The following GPC5 variants were observed in gnomAD, a reference collection of about 807,000 sequenced individuals.
GPC5 encodes glypican-5.
Under a neutral mutation model 53.9 loss-of-function variants are expected in GPC5, and 47 were observed. The observed-to-expected ratio is 0.87, with a 90% confidence interval of 0.69 to 1.11. The LOEUF (loss-of-function observed/expected upper bound fraction) is 1.11, where lower values mean the gene tolerates loss of function less well. GPC5 is among the 50% of genes most tolerant of loss of function. The pLI is 0.00. For synonymous variants in GPC5, 286 were observed against 263.3 expected (o/e 1.09, Z -0.84); for missense variants, 748 against 713.1 (o/e 1.05, Z -0.56).
intron 7 of GPC5, among the ~76,000 whole-genome samples, chr13:92,158,116 G>A (rs2041958690): frequency 6.6e-6 from 1 of 152,162 alleles, no homozygotes; most frequent in Non-Finnish European, 1.5e-5. Context: ...CAGATGGAGA[G>A]TGGACTAAAA....
intron 7 of GPC5, among the ~76,000 whole-genome samples, chr13:92,166,948 TCTCTCTCTCACA>T (rs1309138816): frequency 1.4e-3 from 83 of 57,288 alleles, no homozygotes; most frequent in African/African-American, 3.8e-3. Context: ...TCTCTCTCTC[TCTCTCTCTCACA>T]CACACACACA....
chr13:92,748,674 CAAATAGTTGTTTTTTGTTTA>C, intron 7 of GPC5, among the ~76,000 whole-genome samples: 1 of 152,074 alleles, frequency 6.6e-6, no homozygotes, highest in South Asian at 2.1e-4. Flanking sequence ...TAAACATATA[CAAATAGTTGTTTTTTGTTTA>C]AAATATAAAG....
At position 91,431,838 on chromosome 13, in the gene GPC5, A is replaced by G. The variant is rs577925611; in HGVS notation, c.164-16923A>G. Among the ~76,000 whole-genome samples, 3 of 152,332 alleles carry G rather than the reference A, an allele frequency of 2.0e-5. No homozygotes were observed. In the East Asian group the frequency reaches 5.8e-4, roughly 29 times the overall value. On this transcript the variant is annotated intron_variant, in intron 1 of 7. Coordinates refer to ENST00000377067, the MANE Select transcript of GPC5 (RefSeq NM_004466.6). ...TAGCTTGATAAATAATTTTGGTCTG[A>G]GCTACATTTATCGTTGAAGGTTTCT...
At chr13:92,550,707 CT>C (rs1882283013) in intron 7 of GPC5, among the ~76,000 whole-genome samples, 1 of 151,748 alleles carries the variant, frequency 6.6e-6, no homozygotes, top group South Asian at 2.1e-4. Flanking sequence ...TTATGCAATT[CT>C]TTTTTATGTA....
At chr13:92,655,341 TTTTA>T (rs577474128) in intron 7 of GPC5, among the ~76,000 whole-genome samples, 5,187 of 139,820 alleles carry the variant, frequency 0.037, 105 homozygotes, top group Non-Finnish European at 0.046. Context: ...TTTATTTTTA[TTTTA>T]TTTTTTGAGA....
chr13:92,675,275 G>A (rs1368679435), intron 7 of GPC5, among the ~76,000 whole-genome samples: 1 of 152,030 alleles, frequency 6.6e-6, no homozygotes, highest in Non-Finnish European at 1.5e-5. Context: ...TCTTTAATTT[G>A]TCTCTTACCA....
At chr13:91,680,677 CAAT>C (rs1166311941) in intron 2 of GPC5, among the ~76,000 whole-genome samples, 4 of 152,134 alleles carry the variant, frequency 2.6e-5, no homozygotes, top group African/African-American at 9.7e-5. Context: ...ACAATGTTAA[CAAT>C]GATCTGAAAA....
intron 5 of GPC5, among the ~76,000 whole-genome samples, chr13:91,858,146 A>C (rs1203167937): frequency 6.6e-6 from 1 of 151,508 alleles, no homozygotes; most frequent in African/African-American, 2.4e-5. Flanking sequence ...ATGTCCCTTT[A>C]TTTCTTTCTT....
intron 6 of GPC5, among the ~76,000 whole-genome samples, chr13:92,047,440 A>AT (rs1174054826): frequency 1.9e-4 from 18 of 96,222 alleles, no homozygotes; most frequent in African/African-American, 5.3e-4. Context: ...CTATATATAT[A>AT]TATTTTTTTT....
chr13:91,714,456 G>A (rs553395602), intron 3 of GPC5, among the ~76,000 whole-genome samples: 10 of 152,228 alleles, frequency 6.6e-5, no homozygotes, highest in African/African-American at 9.6e-5. Context: ...TTTTGATGTC[G>A]TATTATGAGA....
At chr13:92,562,003 AT>A (rs1212017901) in intron 7 of GPC5, among the ~76,000 whole-genome samples, 1 of 152,046 alleles carries the variant, frequency 6.6e-6, no homozygotes, top group East Asian at 1.9e-4. Context: ...TAAACTATCA[AT>A]TTTAGAGATC....
intron 7 of GPC5, among the ~76,000 whole-genome samples, chr13:92,801,828 TA>T (rs1235235339): frequency 6.6e-6 from 1 of 151,792 alleles, no homozygotes; most frequent in Non-Finnish European, 1.5e-5. Flanking sequence ...AATAAGGATA[TA>T]AAGGAAATAT....
intron 7 of GPC5, among the ~76,000 whole-genome samples, chr13:92,618,258 G>A (rs1311722337): frequency 2.0e-5 from 3 of 152,020 alleles, no homozygotes; most frequent in African/African-American, 7.2e-5. Flanking sequence ...CCAAACTAAC[G>A]TAGTATTATT....
At position 92,297,235 on chromosome 13, in the gene GPC5, ACT is replaced by A. The variant is rs1376831711; in HGVS notation, c.1561+152249_1561+152250del. ...AAGGTTTGTGAGTGCACCAATCGAC[ACT>A]CTGTACCTAGCTGCTCTGGTGAGGA... is the stretch of plus-strand genomic sequence containing the variant. On this transcript the variant is annotated intron_variant, in intron 7 of 7. Transcript: ENST00000377067. Among the ~76,000 whole-genome samples, 4 of 152,160 alleles carry A rather than the reference ACT, an allele frequency of 2.6e-5. No individual in the cohort carries two copies. In the South Asian group the frequency reaches 8.3e-4, roughly 31 times the overall value.
intron 2 of GPC5, among the ~76,000 whole-genome samples, chr13:91,503,200 G>C (rs192429064): frequency 6.6e-6 from 1 of 152,182 alleles, no homozygotes; most frequent in East Asian, 1.9e-4. Flanking sequence ...ACAAGACAGT[G>C]AATACACTCA....
chr13:92,705,022 C>T (rs1326006219), intron 7 of GPC5, among the ~76,000 whole-genome samples: 1 of 151,574 alleles, frequency 6.6e-6, no homozygotes, highest in Non-Finnish European at 1.5e-5. Flanking sequence ...GAACAGTGCT[C>T]ATGGGACTGC....
chr13:91,643,969 CATATGTTAAGACTTCAACATATGAAT>C (rs2034496598), intron 2 of GPC5, among the ~76,000 whole-genome samples: 3 of 27,682 alleles, frequency 1.1e-4, no homozygotes, highest in African/African-American at 1.6e-4. Context: ...AATTAAAATT[CATATGTTAAGACTTCAACATATGAAT>C]TAAAATTCAT....
chr13:92,356,514 AG>A (rs2043523752), intron 7 of GPC5, among the ~76,000 whole-genome samples: 1 of 152,160 alleles, frequency 6.6e-6, no homozygotes, highest in African/African-American at 2.4e-5. Flanking sequence ...TTACTTGGAG[AG>A]GTAAGTTGTG....
At chr13:92,470,496 G>A (rs1393522290) in intron 7 of GPC5, among the ~76,000 whole-genome samples, 1 of 151,804 alleles carries the variant, frequency 6.6e-6, no homozygotes, top group Non-Finnish European at 1.5e-5. Context: ...CATGAGTTTA[G>A]ATAGCCCTAA....
Sources: allele counts gnomAD v4.1 joint callset (sites outside exome capture counted in the v4.1 genomes callset), GRCh38; gene constraint gnomAD v4.1.1; transcripts MANE v1.5; gene names NCBI Gene and HGNC (gene_info 2026-07-23, HGNC 2026-07-21).